Variants in NFKB1 observed in about 807,000 individuals in gnomAD.
NFKB1 encodes nuclear factor kappa B subunit 1.
In NFKB1, 9 loss-of-function variants were observed where a neutral mutation model predicts 105.1. That is an observed-to-expected ratio of 0.09 (90% confidence interval 0.05 to 0.15). The LOEUF (loss-of-function observed/expected upper bound fraction) is 0.15, where lower values mean the gene tolerates loss of function less well. Ranked by LOEUF, NFKB1 falls within the 10% of genes least tolerant of loss-of-function variation. The pLI is 1.00. For synonymous variants in NFKB1, 440 were observed against 442.2 expected, an observed-to-expected ratio of 1.00 and a Z score of 0.06; for missense variants, 830 against 1,203.7, an observed-to-expected ratio of 0.69 and a Z score of 4.59.
At chr4:102,539,227 ACT>A (rs1741838839) in intron 5 of NFKB1, among the ~76,000 whole-genome samples, 1 of 115,212 alleles carries the variant, frequency 8.7e-6, no homozygotes, top group South Asian at 3.0e-4. Flanking sequence ...ACAGAGCGAG[ACT>A]CTGTCTCAAA....
intron 5 of NFKB1, among the ~76,000 whole-genome samples, chr4:102,547,067 T>C (rs1441052968): frequency 6.6e-6 from 1 of 152,096 alleles, no homozygotes; most frequent in Admixed American, 6.5e-5. Context: ...TTAGAAAATA[T>C]GTATGCAAAT....
In NFKB1 at chr4:102,511,593, T is replaced by G. The variant is rs148413161; in HGVS notation, c.-8+9805T>G. On this transcript the variant is annotated intron_variant, in intron 1 of 23. Transcript: ENST00000226574. ...CAGGAGGCCGAGGTAGGAGGTTCACTTGAGCCTGGGAGGTTGAGGCTTCAG... is the reference window on the plus strand; with the variant it reads ...CAGGAGGCCGAGGTAGGAGGTTCACGTGAGCCTGGGAGGTTGAGGCTTCAG... 9.5e-4 allele frequency among the ~76,000 whole-genome samples: 144 copies of G among 152,266 alleles called. 1 individual carries two copies. In the East Asian group the frequency reaches 0.026, roughly 27 times the overall value.
chr4:102,507,700 G>A (rs1429007523), intron 1 of NFKB1, among the ~76,000 whole-genome samples: 1 of 151,950 alleles, frequency 6.6e-6, no homozygotes, highest in Non-Finnish European at 1.5e-5. Flanking sequence ...ATAAAGTTGA[G>A]CATACCTCTA....
At chr4:102,606,750 T>G in intron 17 of NFKB1, 53 bp downstream of exon 17, 2 of 1,531,404 alleles carry the variant, frequency 1.3e-6, no homozygotes, top group South Asian at 1.2e-5. Flanking sequence ...TCTAAATATC[T>G]ACTAGGTATT....
intron 11 of NFKB1, among the ~76,000 whole-genome samples, chr4:102,586,848 G>C (rs1294491522): frequency 1.3e-5 from 2 of 152,222 alleles, no homozygotes; most frequent in African/African-American, 4.8e-5. Context: ...AGCCACATGG[G>C]TGGGTGTTGT....
chr4:102,576,741 A>G (rs1560688740), intron 6 of NFKB1, 135 bp from the exon 7 acceptor site: 3 of 897,072 alleles, frequency 3.3e-6, no homozygotes, highest in East Asian at 2.6e-5. Context: ...AAATGCATGT[A>G]GCCCCAAGAG....
At chr4:102,547,173 A>G (rs1722202601) in intron 5 of NFKB1, among the ~76,000 whole-genome samples, 1 of 152,208 alleles carries the variant, frequency 6.6e-6, no homozygotes, top group Non-Finnish European at 1.5e-5. Context: ...TGATATATAA[A>G]TACAAAATAA....
At chr4:102,530,020 G>A (rs1741184089) in intron 3 of NFKB1, 106 bp downstream of exon 3, 3 of 737,490 alleles carry the variant, frequency 4.1e-6, no homozygotes, top group Non-Finnish European at 6.7e-6. Flanking sequence ...ACCTAGAAAG[G>A]AAATGGTGAT....
At chr4:102,562,851 A>G (rs1026736278) in intron 5 of NFKB1, among the ~76,000 whole-genome samples, 1 of 152,142 alleles carries the variant, frequency 6.6e-6, no homozygotes, top group Non-Finnish European at 1.5e-5. Flanking sequence ...CCGTTTGAAA[A>G]TTGTGTATTT....
chr4:102,583,278 A>G (rs148210056), intron 10 of NFKB1, among the ~76,000 whole-genome samples: 37 of 152,240 alleles, frequency 2.4e-4, no homozygotes, highest in Non-Finnish European at 3.7e-4. Flanking sequence ...GATCCATATT[A>G]CTATCATCAT....
chr4:102,604,476 G>A (rs1278076718), intron 16 of NFKB1, among the ~76,000 whole-genome samples: 1 of 152,014 alleles, frequency 6.6e-6, no homozygotes, highest in Non-Finnish European at 1.5e-5. Context: ...ATCTTAATCA[G>A]ATTTCACCAG....
Position 102,606,479 on chromosome 4 carries a change from G to C in NFKB1, c.1753-17G>C, listed in dbSNP as rs1337443484. 3 of 1,612,916 alleles carry C rather than the reference G, an allele frequency of 1.9e-6. No homozygotes were observed. The East Asian group carries it at 6.7e-5, about 36-fold the overall frequency. ...TTCACTGCTGACCAGTGAATCTCCT[G>C]CCCTTTCACTTTCCAGACGCCCTTG... On this transcript the variant is annotated splice_polypyrimidine_tract_variant and intron_variant, in intron 16 of 23. Coordinates refer to ENST00000226574, the MANE Select transcript of NFKB1 (RefSeq NM_003998.4).
chr4:102,528,568 G>A (rs774707846), intron 2 of NFKB1, among the ~76,000 whole-genome samples: 3 of 151,950 alleles, frequency 2.0e-5, no homozygotes, highest in African/African-American at 7.2e-5. Context: ...TAAAAGAAAC[G>A]AAAAGCTAGT....
At chr4:102,512,166 T>G (rs561671444) in intron 1 of NFKB1, among the ~76,000 whole-genome samples, 1 of 152,346 alleles carries the variant, frequency 6.6e-6, no homozygotes, top group East Asian at 1.9e-4. Flanking sequence ...CATTTACTTA[T>G]TACTTATGAA....
intron 5 of NFKB1, among the ~76,000 whole-genome samples, chr4:102,548,707 T>C (rs913140891): frequency 4.6e-5 from 7 of 152,142 alleles, no homozygotes; most frequent in African/African-American, 7.2e-5. Context: ...CTTGCCTGTT[T>C]CTAGCTTCTT....
rs1164768587 is a variant in NFKB1 at position 102,580,537 on chromosome 4, G to A, written c.733G>A (p.Ala245Thr). ...TGTTGTTTTTCCCCTGTGAACAGAA[G>A]CCCCCAATGCATCCAACTTGAAAAT... is the stretch of plus-strand genomic sequence containing the variant. ...VVSDAIYDSK[A>T]PNASNLKIVR... Residue 245 changes from alanine to threonine, a missense_variant and splice_region_variant, in exon 9 of 24, where the codon GCC becomes ACC. Transcript: ENST00000226574. 1 of 1,613,596 alleles carries A rather than the reference G, an allele frequency of 6.2e-7. No individual in the cohort carries two copies.
chr4:102,544,349 A>T (rs929098068), intron 5 of NFKB1, among the ~76,000 whole-genome samples: 2 of 152,194 alleles, frequency 1.3e-5, no homozygotes, highest in African/African-American at 4.8e-5. Context: ...CACATAGCCC[A>T]GAAAGCCTCC....
In NFKB1 at chr4:102,523,542, G is replaced by A. The variant is rs906193156; in HGVS notation, c.-7-1970G>A. On this transcript the variant is annotated intron_variant, in intron 1 of 23. Coordinates refer to ENST00000226574, the MANE Select transcript of NFKB1 (RefSeq NM_003998.4). Reference sequence around the variant, plus strand: ...GAGTGTTATGTGATATATTCATTACGGTGAGGGCTAAACTCTTTGAACAAA... The same window carrying A: ...GAGTGTTATGTGATATATTCATTACAGTGAGGGCTAAACTCTTTGAACAAA... Among the ~76,000 whole-genome samples the A allele has an allele frequency of 2.6e-5, 4 of 152,192 alleles. No homozygotes were observed. In the East Asian group the frequency reaches 7.7e-4, roughly 29 times the overall value.
chr4:102,531,110 C>A (rs977737024), intron 3 of NFKB1, among the ~76,000 whole-genome samples: 4 of 152,132 alleles, frequency 2.6e-5, no homozygotes, highest in African/African-American at 9.7e-5. Flanking sequence ...GTTCTGTCCA[C>A]AGGAAATACA....
Sources: gnomAD v4.1 joint callset for allele counts (sites outside exome capture counted in the v4.1 genomes callset) on GRCh38, gnomAD v4.1.1 for gene constraint, MANE v1.5 for transcripts, NCBI Gene and HGNC (gene_info 2026-07-23, HGNC 2026-07-21) for gene names.